PHACTR4: variants seen among roughly 807,000 people sequenced by gnomAD.
PHACTR4 encodes phosphatase and actin regulator 4, also known as protein phosphatase 1, regulatory subunit 124.
Under a neutral mutation model 72.7 loss-of-function variants are expected in PHACTR4, and 51 were observed. The observed-to-expected ratio is 0.70, with a 90% CI of 0.56 to 0.89. PHACTR4 has a LOEUF of 0.89. PHACTR4 is among the 40% of genes least tolerant of loss of function. The pLI, the probability that PHACTR4 is intolerant of heterozygous loss-of-function variation, is 0.00. For missense variants in PHACTR4, 731 were observed against 861.8 expected (o/e 0.85, Z 1.90); for synonymous variants, 255 against 302.5 (o/e 0.84, Z 1.63).
chr1:28,398,617 G>A (rs1473431166), intron 1 of PHACTR4, among the ~76,000 whole-genome samples: 1 of 152,006 alleles, frequency 6.6e-6, no homozygotes, highest in Non-Finnish European at 1.5e-5. Flanking sequence ...TCAAGAGTTC[G>A]AGACCAGCCT....
At chr1:28,414,307 C>G (rs1006367780) in intron 2 of PHACTR4, among the ~76,000 whole-genome samples, 5 of 151,982 alleles carry the variant, frequency 3.3e-5, no homozygotes, top group Non-Finnish European at 7.4e-5. Context: ...CTCAGGTGAT[C>G]CGCCTGCCTC....
intron 1 of PHACTR4, among the ~76,000 whole-genome samples, chr1:28,393,895 T>C (rs1343551924): frequency 1.3e-5 from 2 of 151,846 alleles, no homozygotes; most frequent in Non-Finnish European, 2.9e-5. Flanking sequence ...TTCTTCCCTG[T>C]AGAGACAAGG....
chr1:28,448,589 TAAAAAAAAAAAAAAAAAA>T (rs747826049), intron 2 of PHACTR4, among the ~76,000 whole-genome samples: 2 of 95,824 alleles, frequency 2.1e-5, no homozygotes, highest in African/African-American at 4.5e-5. Flanking sequence ...CATCTCTACT[TAAAAAAAAAAAAAAAAAA>T]AAAAATTAGC....
chr1:28,459,360 G>A (rs1182036661), intron 3 of PHACTR4, 102 bp downstream of exon 3: 4 of 823,642 alleles, frequency 4.9e-6, no homozygotes, highest in Non-Finnish European at 7.4e-6. Context: ...TCCTCTATTT[G>A]AAGAGGGTAT....
chr1:28,375,329 C>T (rs1334359987), intron 1 of PHACTR4, among the ~76,000 whole-genome samples: 2 of 135,480 alleles, frequency 1.5e-5, no homozygotes, highest in Admixed American at 1.5e-4. Flanking sequence ...CCACCCACCC[C>T]CCCAAAAAAA....
At chr1:28,492,698 T>C (rs909104483) in intron 12 of PHACTR4, among the ~76,000 whole-genome samples, 3 of 152,076 alleles carry the variant, frequency 2.0e-5, no homozygotes, top group Non-Finnish European at 4.4e-5. Flanking sequence ...AGCTGAAGGT[T>C]GCAGTGAGCT....
At chr1:28,381,478 T>G (rs966621851) in intron 1 of PHACTR4, among the ~76,000 whole-genome samples, 3 of 151,016 alleles carry the variant, frequency 2.0e-5, no homozygotes, top group Non-Finnish European at 4.4e-5. Context: ...TTTTGTGTTT[T>G]TAGTAGAGAC....
intron 2 of PHACTR4, among the ~76,000 whole-genome samples, chr1:28,423,629 T>C (rs189434430): frequency 7.2e-5 from 11 of 152,296 alleles, no homozygotes; most frequent in African/African-American, 2.4e-4. Flanking sequence ...TAGCAAAGAA[T>C]GGAGACTCAG....
At chr1:28,401,783 A>C (rs936180497) in intron 1 of PHACTR4, among the ~76,000 whole-genome samples, 1 of 152,034 alleles carries the variant, frequency 6.6e-6, no homozygotes, top group African/African-American at 2.4e-5. Context: ...ATTTTTTTAG[A>C]GACAGGGATT....
chr1:28,419,112 T>C (rs1655326805), intron 2 of PHACTR4, among the ~76,000 whole-genome samples: 1 of 148,254 alleles, frequency 6.7e-6, no homozygotes, highest in Non-Finnish European at 1.5e-5. Context: ...GCTAGCTGTT[T>C]TCTGCTTGTT....
In PHACTR4 at chr1:28,466,542, C is replaced by T; in HGVS notation, c.597C>T (p.Ile199=). The T allele has an allele frequency of 1.2e-6, 2 of 1,614,106 alleles. No homozygotes were observed. Among genetic ancestry groups the T allele is most frequent in the Non-Finnish European group, 8.5e-7 (1 of 1,180,032 alleles). ...CCTCTGGCGGCACGGCAAGGTTCATCATCTCCACCTCCATCACCACAGCAC... is the reference window on the plus strand; with the variant it reads ...CCTCTGGCGGCACGGCAAGGTTCATTATCTCCACCTCCATCACCACAGCAC... ...ATSSGGTARF[I]ISTSITTAPA... Residue 199 remains isoleucine, a synonymous_variant, in exon 6 of 14, where the codon ATC becomes ATT. Transcript: ENST00000373839.
rs766322567 is a variant in PHACTR4, at chr1:28,493,056, G to A, written c.2058G>A (p.Glu686=). 74 of 1,613,534 alleles carry A rather than the reference G, an allele frequency of 4.6e-5. No homozygotes were observed. In the South Asian group the frequency reaches 7.4e-4, roughly 16 times the overall value. ...AATTAAATGAATTTAAAAGCTCCGA[G>A]ATGGAGGTTCATGAAGAGAGCAAAC... ...RKELNEFKSS[E]MEVHEESKHF... is the part of the protein sequence containing the mutation. The change falls in exon 13 of 14, where the codon GAG becomes GAA. Residue 686 remains glutamate (E), a synonymous_variant. Transcript: ENST00000373839.
intron 1 of PHACTR4, among the ~76,000 whole-genome samples, chr1:28,370,152 G>C (rs986813689): frequency 1.3e-5 from 2 of 151,812 alleles, no homozygotes; most frequent in African/African-American, 4.8e-5. Flanking sequence ...TCTCCGCCAC[G>C]GGGGAGCCTG....
intron 1 of PHACTR4, among the ~76,000 whole-genome samples, chr1:28,378,578 C>A (rs1255797554): frequency 4.0e-5 from 5 of 126,486 alleles, no homozygotes; most frequent in Non-Finnish European, 8.6e-5. Context: ...AGCCCCCCCC[C>A]CCTTTTTTTT....
intron 12 of PHACTR4, 140 bp downstream of exon 12, chr1:28,491,927 A>G: frequency 1.8e-6 from 2 of 1,132,582 alleles, no homozygotes; most frequent in Non-Finnish European, 2.4e-6. Context: ...ATCAAGATAC[A>G]AAATGCCAAG....
At chr1:28,426,094 G>A (rs943601204) in intron 2 of PHACTR4, among the ~76,000 whole-genome samples, 1 of 152,088 alleles carries the variant, frequency 6.6e-6, no homozygotes, top group Non-Finnish European at 1.5e-5. Flanking sequence ...AGTGGCAGGC[G>A]CCTGTAATCT....
At chr1:28,487,345 G>A (rs949823771) in intron 9 of PHACTR4, among the ~76,000 whole-genome samples, 6 of 151,560 alleles carry the variant, frequency 4.0e-5, no homozygotes, top group African/African-American at 7.3e-5. Flanking sequence ...CAGCCTGGGC[G>A]GCAGAGCAAG....
chr1:28,435,098 G>T (rs1656546692), intron 2 of PHACTR4, among the ~76,000 whole-genome samples: 1 of 152,094 alleles, frequency 6.6e-6, no homozygotes, highest in East Asian at 1.9e-4. Context: ...GTTGTGTTCA[G>T]ACTTTCTCTC....
At chr1:28,383,416 A>G (rs563697742) in intron 1 of PHACTR4, among the ~76,000 whole-genome samples, 8 of 152,272 alleles carry the variant, frequency 5.3e-5, no homozygotes, top group Non-Finnish European at 7.3e-5. Flanking sequence ...TAGGAATGGC[A>G]TGGAATCTAT....
Sources: allele counts gnomAD v4.1 joint callset (sites outside exome capture counted in the v4.1 genomes callset), GRCh38; gene constraint gnomAD v4.1.1; transcripts MANE v1.5; gene names NCBI Gene and HGNC (gene_info 2026-07-23, HGNC 2026-07-21).